The following PYGO2 variants were observed in gnomAD, a reference collection of about 807,000 sequenced individuals.
The protein encoded by PYGO2 is pygopus homolog 2.
In PYGO2, 9 loss-of-function variants were observed where a neutral mutation model predicts 26.7. The observed-to-expected ratio is 0.34, with a 90% CI of 0.20 to 0.59. The LOEUF is 0.59. Ranked by LOEUF, PYGO2 falls within the 20% of genes least tolerant of loss-of-function variation. The probability of loss-of-function intolerance (pLI) is 0.84; values close to 1 mark genes in which losing one functional copy is unlikely to be tolerated. For synonymous variants in PYGO2, 236 were observed against 219.0 expected (o/e 1.08, Z -0.68); for missense variants, 538 against 561.5 (o/e 0.96, Z 0.42).
At chr1:154,960,829 G>A in intron 2 of PYGO2, 148 bp downstream of exon 2, 2 of 865,356 alleles carry the variant, frequency 2.3e-6, no homozygotes, top group Non-Finnish European at 4.0e-6. Context: ...AAGGTTCAGC[G>A]AAAGAACAAG....
intron 2 of PYGO2, among the ~76,000 whole-genome samples, chr1:154,960,403 C>CA (rs542540625): frequency 0.022 from 676 of 30,066 alleles, 2 homozygotes; most frequent in African/African-American, 0.055. Flanking sequence ...TCTGTTACTA[C>CA]AAAAAAAAAA....
Position 154,959,625 on chromosome 1 carries a change from GC to G in PYGO2, c.374del (p.Gly125AlafsTer36). On this transcript the variant is annotated frameshift_variant, in exon 3 of 3. Transcript: ENST00000368457. LOFTEE classifies it high-confidence loss of function. The surrounding 1 kb of genome is among the most constrained non-coding windows in gnomAD (Gnocchi z 4.7). ...GTGGCTGTCGACGGAGTGGCTGGGG[GC>G]CCCCTCCACCTCCAGTGCTGTAGCC... is the stretch of plus-strand genomic sequence containing the variant. Reference protein sequence around the residue: ...PPGYSTGGGGGPQPLRRQPPP... With the variant: ...PPGYSTGGGGXPQPLRRQPPP... 1.4e-6 allele frequency: 2 copies of G among 1,444,552 alleles called. No homozygotes were observed. Among genetic ancestry groups the G allele is most frequent in the South Asian group, 1.6e-5 (1 of 64,144 alleles). 89.5% of individuals were successfully genotyped at this position (1,444,552 alleles called of 1,614,324 possible).
At position 154,961,169 on chromosome 1, in the gene PYGO2, A is replaced by G. The variant is rs969532534; in HGVS notation, c.104-143T>C. 4 of 746,802 alleles carry G rather than the reference A, an allele frequency of 5.4e-6. No individual in the cohort carries two copies. In the Admixed American group the frequency reaches 1.0e-4, roughly 19 times the overall value. 46.3% of individuals were successfully genotyped at this position (746,802 alleles called of 1,614,324 possible). A position where few individuals can be genotyped will look rare whatever the true frequency, so the allele number is the denominator to read the frequency against. On this transcript the variant is annotated intron_variant, in intron 1 of 2. Coordinates refer to ENST00000368457, the MANE Select transcript of PYGO2 (RefSeq NM_138300.4). ...TCAACAAATGCTAACAAGGGGTGCA[A>G]TATGAAAAATAGATTGTGAAGATGA...
Position 154,958,822 on chromosome 1 carries a change from A to G in PYGO2, c.1178T>C (p.Ile393Thr), listed in dbSNP as rs1287873768. The G allele has an allele frequency of 6.2e-7, 1 of 1,613,852 alleles. No individual in the cohort carries two copies. The highest frequency in any genetic ancestry group is 8.5e-7 in the Non-Finnish European group (1 of 1,180,040). The change falls in exon 3 of 3, where the codon ATC (isoleucine) becomes ACC (threonine). Residue 393 changes from isoleucine to threonine, a missense_variant. Physicochemically the swap from Ile to Thr is moderately conservative, Grantham distance 89. Coordinates refer to ENST00000368457, the MANE Select transcript of PYGO2 (RefSeq NM_138300.4). ...CACCAGCTGCCCCATGCCCTCACGGATGTAGACAGACTGGATCTCCTTGGT... is the reference window on the plus strand; with the variant it reads ...CACCAGCTGCCCCATGCCCTCACGGGTGTAGACAGACTGGATCTCCTTGGT... ...LKTKEIQSVY[I>T]REGMGQLVAA...
In PYGO2 at chr1:154,961,766, C is replaced by T. The variant is rs1655376518; in HGVS notation, c.-190G>A. 5.0e-6 allele frequency: 2 copies of T among 400,810 alleles called. No homozygotes were observed. The highest frequency in any genetic ancestry group is 8.3e-5 in the South Asian group (1 of 11,998). 24.8% of individuals were successfully genotyped at this position (400,810 alleles called of 1,614,324 possible). ...CTCCAGACTCGCCGCCCGCCAGCGG[C>T]GGCAGCAACCGGAACCGGAACTCGT... On this transcript the variant is annotated 5_prime_UTR_variant, in exon 1 of 3. Coordinates refer to ENST00000368457, the MANE Select transcript of PYGO2 (RefSeq NM_138300.4).
chr1:154,961,761 A>AGCG lies in PYGO2; in HGVS notation c.-188_-186dup. ...GCTCTCTCCAGACTCGCCGCCCGCCAGCGGCGGCAGCAACCGGAACCGGAA... is the reference window on the plus strand; with the variant it reads ...GCTCTCTCCAGACTCGCCGCCCGCCAGCGGCGGCGGCAGCAACCGGAACCGGAA... On this transcript the variant is annotated 5_prime_UTR_variant, in exon 1 of 3. Coordinates refer to ENST00000368457, the MANE Select transcript of PYGO2 (RefSeq NM_138300.4). 2 of 401,876 alleles carry AGCG rather than the reference A, an allele frequency of 5.0e-6. No homozygotes were observed. The highest frequency in any genetic ancestry group is 6.3e-4 in the Middle Eastern group (1 of 1,596). The allele number at this position is 401,876 out of a possible 1,614,324, so 24.9% of individuals were successfully genotyped here.
Position 154,959,071 on chromosome 1 carries a change from G to A in PYGO2, c.929C>T (p.Pro310Leu), listed in dbSNP as rs1655260972. ...GGTPDANSLA[P>L]PGKAGGGSGP... ...GGAGCCCCCACCTGCCTTGCCAGGG[G>A]GTGCCAAGCTGTTGGCATCTGGAGT... Residue 310 changes from proline to leucine, a missense_variant, in exon 3 of 3, where the codon CCC (proline) becomes CTC (leucine). Around this residue, in one of 4 missense-constraint regions of PYGO2, gnomAD observed 381 missense variants for 336.6 expected, o/e 1.13. Transcript: ENST00000368457. This position sits in a 1 kb window ranked among gnomAD's most constrained non-coding sequence, Gnocchi z 4.7. 1.2e-6 allele frequency: 2 copies of A among 1,612,962 alleles called. No individual in the cohort carries two copies. The highest frequency in any genetic ancestry group is 1.7e-6 in the Non-Finnish European group (2 of 1,179,814).
rs1252748202 is a variant in PYGO2, at chr1:154,959,479, T to G, written c.521A>C (p.Asn174Thr). 6.7e-7 allele frequency: 1 copy of G among 1,495,304 alleles called. No individual in the cohort carries two copies. The allele number at this position is 1,495,304 out of a possible 1,614,324, so 92.6% of individuals were successfully genotyped here. ...SQPFNQPLGQ[N>T]FSPPSGQMMP... is the part of the protein sequence containing the mutation. Reference sequence around the variant, plus strand: ...CATCTGCCCACTGGGAGGACTAAAGTTTTGACCCAGAGGCTGGTTGAAGGG... The same window carrying G: ...CATCTGCCCACTGGGAGGACTAAAGGTTTGACCCAGAGGCTGGTTGAAGGG... The change falls in exon 3 of 3, where the codon AAC (asparagine) becomes ACC (threonine). Residue 174 changes from asparagine (N) to threonine (T), a missense_variant. Physicochemically the swap from Asn to Thr is moderately conservative, Grantham distance 65. Around this residue, in one of 4 missense-constraint regions of PYGO2, gnomAD observed 381 missense variants for 336.6 expected, o/e 1.13. Transcript: ENST00000368457. The surrounding 1 kb of genome is among the most constrained non-coding windows in gnomAD (Gnocchi z 4.7).
chr1:154,961,394 A>AC (rs910817586), intron 1 of PYGO2, 80 bp downstream of exon 1: 2 of 937,844 alleles, frequency 2.1e-6, no homozygotes, highest in Non-Finnish European at 3.0e-6. Context: ...ACTGTGAAAC[A>AC]CCCCCCGCCC....
intron 2 of PYGO2, among the ~76,000 whole-genome samples, chr1:154,960,558 C>T (rs1655320830): frequency 6.6e-6 from 1 of 152,070 alleles, no homozygotes; most frequent in African/African-American, 2.4e-5. Flanking sequence ...AAAACAACCT[C>T]AAGACTGTGG....
intron 1 of PYGO2, 48 bp from the exon 2 acceptor site, chr1:154,961,074 C>T (rs1487533522): frequency 1.1e-5 from 17 of 1,570,822 alleles, no homozygotes; most frequent in South Asian, 3.4e-5. Context: ...CCTGAGGTTT[C>T]CCCAACCTCT....
intron 2 of PYGO2, among the ~76,000 whole-genome samples, chr1:154,960,438 AG>A (rs1341443538): frequency 7.3e-5 from 11 of 151,458 alleles, no homozygotes; most frequent in African/African-American, 2.7e-4. Flanking sequence ...AAAAGAAAAA[AG>A]AAAAAAAAAA....
intron 2 of PYGO2, among the ~76,000 whole-genome samples, chr1:154,960,071 T>C (rs1655292116): frequency 6.6e-6 from 1 of 151,624 alleles, no homozygotes; most frequent in Non-Finnish European, 1.5e-5. Context: ...GAGATCATCC[T>C]GGCTAACACG....
At chr1:154,960,773 G>A (rs1420654081) in intron 2 of PYGO2, among the ~76,000 whole-genome samples, 3 of 152,186 alleles carry the variant, frequency 2.0e-5, no homozygotes, top group Non-Finnish European at 4.4e-5. Flanking sequence ...AAGAACTTTG[G>A]TCGAATCATC....
chr1:154,960,197 G>A (rs558685228), intron 2 of PYGO2, among the ~76,000 whole-genome samples: 53 of 150,022 alleles, frequency 3.5e-4, no homozygotes, highest in Non-Finnish European at 4.3e-4. Flanking sequence ...CCCAGGAGGC[G>A]GAGCTTGCAG....
Position 154,959,174 on chromosome 1 carries a change from G to T in PYGO2, c.826C>A (p.His276Asn). The T allele has an allele frequency of 6.3e-7, 1 of 1,582,800 alleles. No individual in the cohort carries two copies. ...PASTAFPQEP[H>N]SGSPAAAVNG... ...ACAGCAGCAGCCGGGGAGCCTGAGT[G>T]GGGCTCCTGGGGAAAAGCAGTAGAA... The change falls in exon 3 of 3, where the codon CAC becomes AAC. Residue 276 changes from histidine to asparagine, a missense_variant. By Grantham distance (68) the His-to-Asn change is moderately conservative. This residue lies in a region of PYGO2 where 381 missense variants were observed against 336.6 expected (regional missense o/e 1.13). Coordinates refer to ENST00000368457, the MANE Select transcript of PYGO2 (RefSeq NM_138300.4). The surrounding 1 kb of genome is among the most constrained non-coding windows in gnomAD (Gnocchi z 4.7).
At position 154,959,185 on chromosome 1, in the gene PYGO2, G is replaced by A; in HGVS notation, c.815C>T (p.Pro272Leu). The A allele has an allele frequency of 4.4e-6, 7 of 1,582,446 alleles. No individual in the cohort carries two copies. Among genetic ancestry groups the A allele is most frequent in the Non-Finnish European group, 6.0e-6 (7 of 1,163,878 alleles). ...PLNPPASTAFPQEPHSGSPAA... is the reference protein window; with the variant it reads ...PLNPPASTAFLQEPHSGSPAA... Reference sequence around the variant, plus strand: ...CGGGGAGCCTGAGTGGGGCTCCTGGGGAAAAGCAGTAGAAGCAGGTGGATT... The same window carrying A: ...CGGGGAGCCTGAGTGGGGCTCCTGGAGAAAAGCAGTAGAAGCAGGTGGATT... The change falls in exon 3 of 3, where the codon CCC (proline) becomes CTC (leucine). Residue 272 changes from proline (P) to leucine (L), a missense_variant. Coordinates refer to ENST00000368457, the MANE Select transcript of PYGO2 (RefSeq NM_138300.4). The surrounding 1 kb of genome is among the most constrained non-coding windows in gnomAD (Gnocchi z 4.7).
chr1:154,961,163 G>C, intron 1 of PYGO2, 137 bp from the exon 2 acceptor site: 1 of 773,478 alleles, frequency 1.3e-6, no homozygotes, highest in Non-Finnish European at 2.2e-6. Context: ...GCTAACAAGG[G>C]GTGCAATATG....
chr1:154,959,723 G>T lies in PYGO2; in HGVS notation c.277C>A (p.Pro93Thr). ...GAPKVGVAAP[P>T]FLGSPVPFGG... Reference sequence around the variant, plus strand: ...AAGGGCACAGGACTGCCAAGGAATGGAGGGGCTGCAACCCCCACTTTGGGG... The same window carrying T: ...AAGGGCACAGGACTGCCAAGGAATGTAGGGGCTGCAACCCCCACTTTGGGG... Residue 93 changes from proline (P) to threonine (T), a missense_variant, in exon 3 of 3, where the codon CCA becomes ACA. Coordinates refer to ENST00000368457, the MANE Select transcript of PYGO2 (RefSeq NM_138300.4). The surrounding 1 kb of genome is among the most constrained non-coding windows in gnomAD (Gnocchi z 4.7). 7.1e-7 allele frequency: 1 copy of T among 1,408,694 alleles called. No homozygotes were observed. The allele number at this position is 1,408,694 out of a possible 1,614,324, so 87.3% of individuals were successfully genotyped here.
Sources: gnomAD v4.1 joint callset for allele counts (sites outside exome capture counted in the v4.1 genomes callset) on GRCh38, gnomAD v4.1.1 for gene constraint, gnomAD v4.1.1 regional missense constraint, Gnocchi (gnomAD v3.1) non-coding constraint, MANE v1.5 for transcripts, NCBI Gene and HGNC (gene_info 2026-07-23, HGNC 2026-07-21) for gene names.